Variants in PIP5K1A observed in about 807,000 individuals in gnomAD.
The protein encoded by PIP5K1A is phosphatidylinositol 4-phosphate 5-kinase type-1 alpha.
A neutral mutation model predicts 72.9 loss-of-function variants in PIP5K1A; 46 were observed. The ratio of observed to expected loss-of-function variants is 0.63; its 90% CI spans 0.50 to 0.81. The LOEUF is 0.81. Ranked by LOEUF, PIP5K1A falls within the 30% of genes least tolerant of loss-of-function variation. PIP5K1A has a pLI of 0.00. For missense variants in PIP5K1A, 458 were observed against 706.1 expected, an observed-to-expected ratio of 0.65 and a Z score of 3.98; for synonymous variants, 228 against 255.1, an observed-to-expected ratio of 0.89 and a Z score of 1.01.
At position 151,247,966 on chromosome 1, in the gene PIP5K1A, A is replaced by G. The variant is rs371195591; in HGVS notation, c.*101A>G. On this transcript the variant is annotated 3_prime_UTR_variant, in exon 16 of 16. Transcript: ENST00000368888. ...ATGCTGAATTTTCTTCTACTTGGTC[A>G]TCAAAAAAGGAGTGTAATAGAAGTG... The G allele has an allele frequency of 6.7e-6, 7 of 1,043,202 alleles. No homozygotes were observed. In the African/African-American group the frequency reaches 7.8e-5, roughly 12 times the overall value. The allele number at this position is 1,043,202 out of a possible 1,614,324, so 64.6% of individuals were successfully genotyped here. A position where few individuals can be genotyped will look rare whatever the true frequency, so the allele number is the denominator to read the frequency against.
intron 8 of PIP5K1A, among the ~76,000 whole-genome samples, chr1:151,236,193 T>C (rs1031051596): frequency 9.6e-5 from 14 of 145,906 alleles, no homozygotes; most frequent in Non-Finnish European, 1.5e-4. Context: ...TCATGAAAGC[T>C]GTCAAGCCAG....
In PIP5K1A at chr1:151,200,635, T is replaced by G. The variant is rs1031058497; in HGVS notation, c.85+1554T>G. On this transcript the variant is annotated intron_variant, in intron 1 of 15. Coordinates refer to ENST00000368888, the MANE Select transcript of PIP5K1A (RefSeq NM_001135638.2). ...ACCTTTCACATTCCAGCTCAGATGC[T>G]GAAATATCTAGTCACACATATCTTC... is the stretch of plus-strand genomic sequence containing the variant. 2.6e-5 allele frequency among the ~76,000 whole-genome samples: 4 copies of G among 152,170 alleles called. No individual in the cohort carries two copies. The South Asian group carries it at 8.3e-4, about 31-fold the overall frequency.
chr1:151,216,045 C>G (rs1369611822), intron 1 of PIP5K1A: 3 of 984,526 alleles, frequency 3.0e-6, no homozygotes, highest in South Asian at 2.7e-5. Context: ...GAGCTCCTTA[C>G]AGTAACTAGC....
At chr1:151,239,103 A>C in intron 10 of PIP5K1A, 27 bp from the exon 11 acceptor site, 2 of 1,565,024 alleles carry the variant, frequency 1.3e-6, no homozygotes. Flanking sequence ...AAATGACGTG[A>C]GTAGGTGATG....
chr1:151,241,602 A>AC (rs1447785111), intron 12 of PIP5K1A, among the ~76,000 whole-genome samples: 2 of 152,040 alleles, frequency 1.3e-5, no homozygotes, highest in African/African-American at 4.8e-5. Flanking sequence ...AGAGTTCGAG[A>AC]CCAGCCTGAC....
rs587737406 is a variant in PIP5K1A at position 151,208,290 on chromosome 1, G to A, written c.85+9209G>A. On this transcript the variant is annotated intron_variant, in intron 1 of 15. Transcript: ENST00000368888. ...ACTTCTGACTGTTTCCTAGAAGAGC[G>A]TTAGGAAAAATTTACACCAGCTAAG... Among the ~76,000 whole-genome samples, 9 of 151,920 alleles carry A rather than the reference G, an allele frequency of 5.9e-5. No homozygotes were observed. The South Asian group carries it at 1.2e-3, about 21-fold the overall frequency.
At chr1:151,229,055 C>G (rs1689591433) in intron 4 of PIP5K1A, among the ~76,000 whole-genome samples, 1 of 149,310 alleles carries the variant, frequency 6.7e-6, no homozygotes, top group Admixed American at 6.8e-5. Flanking sequence ...GTAATCCCAG[C>G]TACTCAGGAG....
At chr1:151,213,615 GACTTAT>G (rs1426293578) in intron 1 of PIP5K1A, 3 of 152,240 alleles carry the variant, frequency 2.0e-5, no homozygotes, top group African/African-American at 7.2e-5. Flanking sequence ...GAGAACGTAA[GACTTAT>G]ACTTATTTTT....
intron 1 of PIP5K1A, among the ~76,000 whole-genome samples, chr1:151,201,049 T>C (rs896609325): frequency 6.6e-6 from 1 of 152,188 alleles, no homozygotes; most frequent in East Asian, 1.9e-4. Flanking sequence ...TTAGCCAGGA[T>C]GGTCTCGATC....
At chr1:151,203,601 G>A (rs1020449641) in intron 1 of PIP5K1A, among the ~76,000 whole-genome samples, 22 of 151,596 alleles carry the variant, frequency 1.5e-4, no homozygotes, top group Non-Finnish European at 2.8e-4. Context: ...CGAGGTGGGC[G>A]GATCACAAGC....
chr1:151,228,146 T>G (rs1689433117), intron 4 of PIP5K1A, among the ~76,000 whole-genome samples: 1 of 150,700 alleles, frequency 6.6e-6, no homozygotes, highest in African/African-American at 2.4e-5. Context: ...TCTCTTCCAT[T>G]TTTTTTTTAG....
rs587690758 is a variant in PIP5K1A at position 151,247,657 on chromosome 1, C to T, written c.1687-206C>T. Reference sequence around the variant, plus strand: ...GCCAGGATGGCCTCGATCTCCTGACCTCGTGATCCACCTGCCTGGGCCTCC... The same window carrying T: ...GCCAGGATGGCCTCGATCTCCTGACTTCGTGATCCACCTGCCTGGGCCTCC... On this transcript the variant is annotated intron_variant, in intron 15 of 15. Transcript: ENST00000368888. 4.4e-3 allele frequency among the ~76,000 whole-genome samples: 671 copies of T among 152,102 alleles called. 6 individuals are homozygous for T. The highest frequency in any genetic ancestry group is 0.014 in the Middle Eastern group (4 of 290).
At chr1:151,215,921 AC>A in intron 1 of PIP5K1A, 1 of 1,238,946 alleles carries the variant, frequency 8.1e-7, no homozygotes, top group Non-Finnish European at 1.1e-6. Flanking sequence ...AGCAAATGGG[AC>A]CCCAGGAGTA....
Position 151,220,561 on chromosome 1 carries a change from G to A in PIP5K1A, c.86-3684G>A, listed in dbSNP as rs587623440. On this transcript the variant is annotated intron_variant, in intron 1 of 15. Coordinates refer to ENST00000368888, the MANE Select transcript of PIP5K1A (RefSeq NM_001135638.2). Reference sequence around the variant, plus strand: ...CAGCTTACTGCAACCTCTGCTCCCCGGGTTCAACCGATTCTCCTGCCTCAG... The same window carrying A: ...CAGCTTACTGCAACCTCTGCTCCCCAGGTTCAACCGATTCTCCTGCCTCAG... 7.2e-5 allele frequency among the ~76,000 whole-genome samples: 11 copies of A among 151,846 alleles called. No individual in the cohort carries two copies. The East Asian group carries it at 1.4e-3, about 19-fold the overall frequency.
At chr1:151,218,356 C>T (rs1198375417) in intron 1 of PIP5K1A, among the ~76,000 whole-genome samples, 1 of 152,096 alleles carries the variant, frequency 6.6e-6, no homozygotes, top group African/African-American at 2.4e-5. Flanking sequence ...GACAACTGTA[C>T]TCTTAATCCT....
At chr1:151,206,322 A>T (rs191931105) in intron 1 of PIP5K1A, among the ~76,000 whole-genome samples, 6 of 152,300 alleles carry the variant, frequency 3.9e-5, no homozygotes, top group African/African-American at 1.2e-4. Context: ...TGGCAAAAAG[A>T]GAGGAAGGTA....
chr1:151,244,471 T>C (rs1017988120), intron 14 of PIP5K1A, among the ~76,000 whole-genome samples: 4 of 152,110 alleles, frequency 2.6e-5, no homozygotes, highest in Non-Finnish European at 5.9e-5. Flanking sequence ...CTGAGCAACA[T>C]GGCGAAACCC....
intron 14 of PIP5K1A, among the ~76,000 whole-genome samples, chr1:151,246,491 G>A (rs887509644): frequency 2.0e-5 from 3 of 152,082 alleles, no homozygotes; most frequent in Non-Finnish European, 4.4e-5. Context: ...TAGAGCATGA[G>A]TCCAAGAAGA....
At chr1:151,241,902 T>C (rs1015818241) in intron 12 of PIP5K1A, among the ~76,000 whole-genome samples, 1 of 152,152 alleles carries the variant, frequency 6.6e-6, no homozygotes, top group Non-Finnish European at 1.5e-5. Flanking sequence ...TGTGGATATG[T>C]TTCCTTTCTT....
Sources: gnomAD v4.1 joint callset for allele counts (sites outside exome capture counted in the v4.1 genomes callset) on GRCh38, gnomAD v4.1.1 for gene constraint, MANE v1.5 for transcripts, NCBI Gene and HGNC (gene_info 2026-07-23, HGNC 2026-07-21) for gene names.